Variants in ZNF385D observed in about 807,000 individuals in gnomAD.
ZNF385D encodes the protein zinc finger protein 385D, also known as zinc finger protein 659.
ZNF385D carries 15 observed loss-of-function variants against 35.8 expected under a neutral mutation model. The observed-to-expected ratio is 0.42, with a 90% CI of 0.28 to 0.64. ZNF385D has a LOEUF of 0.64. Among genes scored for constraint, ZNF385D ranks in the 30% least tolerant of loss-of-function variants. ZNF385D has a pLI of 0.23. For synonymous variants in ZNF385D, 212 were observed against 186.8 expected (o/e 1.13, Z -1.10); for missense variants, 474 against 494.6 (o/e 0.96, Z 0.39).
chr3:22,299,847 G>A (rs9859862), intron 2 of ZNF385D, among the ~76,000 whole-genome samples: 105,767 of 151,782 alleles, frequency 0.7, 38,006 homozygotes, highest in African/African-American at 0.88. Flanking sequence ...ACCTGTGTCC[G>A]TAGATTAGAA....
At chr3:21,644,542 A>T (rs1377818113) in intron 2 of ZNF385D, among the ~76,000 whole-genome samples, 1 of 152,024 alleles carries the variant, frequency 6.6e-6, no homozygotes, top group Non-Finnish European at 1.5e-5. Context: ...AGAAATGCAA[A>T]CTCCACACAG....
intron 1 of ZNF385D, among the ~76,000 whole-genome samples, chr3:21,696,026 A>G (rs1318452947): frequency 6.6e-6 from 1 of 152,164 alleles, no homozygotes; most frequent in Non-Finnish European, 1.5e-5. Flanking sequence ...TTTACAAATA[A>G]GAGAAGTGAG....
chr3:22,284,783 A>G (rs1011867181), intron 2 of ZNF385D, among the ~76,000 whole-genome samples: 4 of 152,168 alleles, frequency 2.6e-5, no homozygotes, highest in African/African-American at 9.7e-5. Context: ...TACAATCATA[A>G]TTTAAGAATG....
At chr3:22,339,898 A>G (rs1695346773) in intron 2 of ZNF385D, among the ~76,000 whole-genome samples, 1 of 152,114 alleles carries the variant, frequency 6.6e-6, no homozygotes. Context: ...GATCCTACTC[A>G]GTTTCTCCAC....
intron 2 of ZNF385D, among the ~76,000 whole-genome samples, chr3:22,243,818 T>C (rs746339984): frequency 1.3e-5 from 2 of 150,782 alleles, no homozygotes; most frequent in African/African-American, 2.5e-5. Flanking sequence ...AGATGGTCAG[T>C]ACTCCAGATA....
intron 3 of ZNF385D, among the ~76,000 whole-genome samples, chr3:21,885,734 CTGTGTCTGTGTGTGTGTG>C (rs1178570171): frequency 1.9e-3 from 251 of 131,932 alleles, no homozygotes; most frequent in African/African-American, 6.4e-3. Context: ...CAGGGTGTGT[CTGTGTCTGTGTGTGTGTG>C]TGTGTGTGTG....
chr3:22,333,928 C>A (rs1695050800), intron 2 of ZNF385D, among the ~76,000 whole-genome samples: 1 of 152,166 alleles, frequency 6.6e-6, no homozygotes, highest in Admixed American at 6.5e-5. Context: ...ATTTACTTTT[C>A]AAAGTCCTCA....
intron 4 of ZNF385D, among the ~76,000 whole-genome samples, chr3:21,483,782 T>G (rs772256754): frequency 7.9e-5 from 12 of 152,228 alleles, no homozygotes; most frequent in Non-Finnish European, 1.5e-4. Context: ...GTTTTCTTGC[T>G]GTCAAGTTTA....
chr3:22,068,393 T>TA (rs1461404873), intron 3 of ZNF385D, among the ~76,000 whole-genome samples: 1 of 152,208 alleles, frequency 6.6e-6, no homozygotes, highest in Non-Finnish European at 1.5e-5. Context: ...ATACTGTCCT[T>TA]AAGTCCTATA....
intron 2 of ZNF385D, among the ~76,000 whole-genome samples, chr3:22,279,852 G>C (rs184004483): frequency 2.0e-5 from 3 of 151,874 alleles, no homozygotes; most frequent in Non-Finnish European, 2.9e-5. Flanking sequence ...GCTCTTTAAG[G>C]AATCTCCACA....
intron 2 of ZNF385D, among the ~76,000 whole-genome samples, chr3:21,576,821 A>G (rs1341358159): frequency 1.3e-5 from 2 of 152,214 alleles, no homozygotes; most frequent in East Asian, 1.9e-4. Context: ...TGTTCTATTA[A>G]TGAGCTTTCT....
At chr3:22,319,171 G>GA (rs940499317) in intron 2 of ZNF385D, among the ~76,000 whole-genome samples, 1 of 152,012 alleles carries the variant, frequency 6.6e-6, no homozygotes, top group African/African-American at 2.4e-5. Context: ...GCACATGGGG[G>GA]AAAAATGCCA....
chr3:21,822,812 A>G (rs1694352217), intron 3 of ZNF385D, among the ~76,000 whole-genome samples: 1 of 152,224 alleles, frequency 6.6e-6, no homozygotes, highest in African/African-American at 2.4e-5. Context: ...TGAGTGAAAA[A>G]AAAACAAGTG....
chr3:22,358,300 C>T (rs1252411931), intron 2 of ZNF385D, among the ~76,000 whole-genome samples: 4 of 151,864 alleles, frequency 2.6e-5, no homozygotes, highest in African/African-American at 9.7e-5. Context: ...AAAGGTTTTC[C>T]AGATCTCACC....
At chr3:21,588,956 A>G (rs1214230895) in intron 2 of ZNF385D, among the ~76,000 whole-genome samples, 1 of 152,170 alleles carries the variant, frequency 6.6e-6, no homozygotes, top group Non-Finnish European at 1.5e-5. Flanking sequence ...ATTATGTGCT[A>G]GGCATTTTTC....
intron 1 of ZNF385D, among the ~76,000 whole-genome samples, chr3:21,726,941 C>G (rs1189069198): frequency 1.3e-5 from 2 of 152,100 alleles, no homozygotes; most frequent in Non-Finnish European, 2.9e-5. Flanking sequence ...GCTGTAGTAA[C>G]CAGAACAGCA....
At chr3:22,067,193 G>A (rs184112805) in intron 3 of ZNF385D, among the ~76,000 whole-genome samples, 182 of 152,296 alleles carry the variant, frequency 1.2e-3, no homozygotes, top group African/African-American at 4.2e-3. Context: ...ACTGCCTGTT[G>A]AGTTTATATC....
At chr3:22,211,756 C>A (rs1183498407) in intron 2 of ZNF385D, among the ~76,000 whole-genome samples, 5 of 151,850 alleles carry the variant, frequency 3.3e-5, no homozygotes, top group African/African-American at 2.4e-5. Flanking sequence ...CTGGTGGTAC[C>A]TGACTGTCAT....
chr3:22,218,976 A>G (rs910084251), intron 2 of ZNF385D, among the ~76,000 whole-genome samples: 9 of 152,130 alleles, frequency 5.9e-5, no homozygotes, highest in Non-Finnish European at 2.9e-5. Context: ...AGAGAATGAC[A>G]TGGTACAAAG....
Sources: gnomAD v4.1 joint callset for allele counts (sites outside exome capture counted in the v4.1 genomes callset) on GRCh38, gnomAD v4.1.1 for gene constraint, MANE v1.5 for transcripts, NCBI Gene and HGNC (gene_info 2026-07-23, HGNC 2026-07-21) for gene names.